The following AUTS2 variants were observed in gnomAD, a reference collection of about 807,000 sequenced individuals.
AUTS2 encodes the protein activator of transcription and developmental regulator AUTS2.
AUTS2 carries 17 observed loss-of-function variants against 112.4 expected under a neutral mutation model. That is an observed-to-expected ratio of 0.15 (90% CI 0.10 to 0.23). The LOEUF (loss-of-function observed/expected upper bound fraction) is 0.23, where lower values mean the gene tolerates loss of function less well. AUTS2 is among the 10% of genes least tolerant of loss of function. AUTS2 has a pLI of 1.00. For synonymous variants in AUTS2, 751 were observed against 702.7 expected (o/e 1.07, Z -1.09); for missense variants, 1,510 against 1,701.6 (o/e 0.89, Z 1.98).
Position 70,295,432 on chromosome 7 carries a change from T to C in AUTS2, c.661-140320T>C, listed in dbSNP as rs534641870. ...AATGCTGACTCCTACTGCTTAAACCTCCGTTCTCTCTCTGTTTTTATCTTA... is the reference window on the plus strand; with the variant it reads ...AATGCTGACTCCTACTGCTTAAACCCCCGTTCTCTCTCTGTTTTTATCTTA... On this transcript the variant is annotated intron_variant, in intron 4 of 18. Transcript: ENST00000342771. 1.8e-4 allele frequency among the ~76,000 whole-genome samples: 27 copies of C among 152,342 alleles called. 1 individual carries two copies. Among genetic ancestry groups the C allele is most frequent in the African/African-American group, 5.0e-4 (21 of 41,586 alleles).
At chr7:70,150,915 G>C (rs570675844) in intron 4 of AUTS2, among the ~76,000 whole-genome samples, 1 of 152,288 alleles carries the variant, frequency 6.6e-6, no homozygotes, top group Admixed American at 6.5e-5. Flanking sequence ...TAAAATACAT[G>C]ACACAATGGT....
chr7:70,217,967 C>T (rs1308235464), intron 4 of AUTS2, among the ~76,000 whole-genome samples: 1 of 152,100 alleles, frequency 6.6e-6, no homozygotes, highest in Non-Finnish European at 1.5e-5. Context: ...TTTACCAGAA[C>T]CCTAACTGAT....
intron 1 of AUTS2, among the ~76,000 whole-genome samples, chr7:69,647,750 G>A (rs1230076534): frequency 6.6e-6 from 1 of 152,202 alleles, no homozygotes; most frequent in African/African-American, 2.4e-5. Context: ...AACAGAAATA[G>A]TCTCATAGTT....
intron 5 of AUTS2, 83 bp from the exon 6 acceptor site, chr7:70,698,486 T>A (rs1563136309): frequency 8.2e-7 from 1 of 1,218,022 alleles, no homozygotes; most frequent in Middle Eastern, 1.9e-4. Flanking sequence ...TGTAGTCAAC[T>A]GATTTAAAAT....
chr7:69,673,428 A>G (rs535007149), intron 1 of AUTS2, among the ~76,000 whole-genome samples: 10 of 152,336 alleles, frequency 6.6e-5, no homozygotes, highest in African/African-American at 2.2e-4. Flanking sequence ...CGCTAAAGAC[A>G]GTTTTGTTCT....
intron 2 of AUTS2, among the ~76,000 whole-genome samples, chr7:70,115,612 G>A (rs189777679): frequency 5.7e-4 from 87 of 152,336 alleles, no homozygotes; most frequent in African/African-American, 2.0e-3. Context: ...CATGTCAAAT[G>A]TAAACATCTA....
chr7:70,229,130 A>G (rs748050322), intron 4 of AUTS2, among the ~76,000 whole-genome samples: 8 of 152,000 alleles, frequency 5.3e-5, no homozygotes, highest in South Asian at 4.1e-4. Context: ...CAAAAATTAT[A>G]TAGCCTCCTA....
intron 1 of AUTS2, among the ~76,000 whole-genome samples, chr7:69,870,644 C>T (rs1331251447): frequency 6.6e-6 from 1 of 151,706 alleles, no homozygotes; most frequent in African/African-American, 2.4e-5. Context: ...CTTACAGTCC[C>T]CTCTTTACTA....
chr7:70,700,138 T>C (rs1027708852), intron 6 of AUTS2, among the ~76,000 whole-genome samples: 1 of 151,674 alleles, frequency 6.6e-6, no homozygotes, highest in African/African-American at 2.4e-5. Flanking sequence ...GCCTCTTCCC[T>C]CTGGTTCTTT....
At chr7:70,452,064 T>C (rs1796556256) in intron 5 of AUTS2, among the ~76,000 whole-genome samples, 1 of 152,234 alleles carries the variant, frequency 6.6e-6, no homozygotes. Flanking sequence ...GCTGTGTGAC[T>C]GCGGCCTTGG....
rs117012908 is a variant in AUTS2, at chr7:69,741,620, G to A, written c.309+141658G>A. Among the ~76,000 whole-genome samples the A allele has an allele frequency of 7.5e-3, 1,143 of 152,022 alleles. 11 individuals carry two copies. The highest frequency in any genetic ancestry group is 0.039 in the South Asian group (190 of 4,812). On this transcript the variant is annotated intron_variant, in intron 1 of 18. Coordinates refer to ENST00000342771, the MANE Select transcript of AUTS2 (RefSeq NM_015570.4). ...CTTGGGAGGCTGAGGCAGGAGGATG[G>A]ATTGAGCCTGGAAGGCAGAGGTTGC...
chr7:69,854,698 G>A (rs1468684607), intron 1 of AUTS2, among the ~76,000 whole-genome samples: 1 of 152,024 alleles, frequency 6.6e-6, no homozygotes, highest in African/African-American at 2.4e-5. Flanking sequence ...TCATTTCTCT[G>A]TTGGAGTGTG....
At chr7:70,739,417 C>T (rs137880575) in intron 6 of AUTS2, among the ~76,000 whole-genome samples, 6 of 148,620 alleles carry the variant, frequency 4.0e-5, no homozygotes, top group African/African-American at 1.5e-4. Flanking sequence ...TGGCCTCAAG[C>T]GATCTTCCCA....
intron 1 of AUTS2, among the ~76,000 whole-genome samples, chr7:69,880,781 G>A (rs62458777): frequency 0.052 from 7,967 of 152,206 alleles, 312 homozygotes; most frequent in Non-Finnish European, 0.072. Flanking sequence ...GTAGAGGAGA[G>A]GGTGGTGACA....
intron 1 of AUTS2, among the ~76,000 whole-genome samples, chr7:69,640,240 A>G (rs1219764124): frequency 6.6e-6 from 1 of 152,228 alleles, no homozygotes; most frequent in Admixed American, 6.5e-5. Flanking sequence ...CAGAGCACCC[A>G]TCAAGTGTTC....
intron 5 of AUTS2, among the ~76,000 whole-genome samples, chr7:70,447,798 G>A (rs1283522541): frequency 6.6e-6 from 1 of 152,214 alleles, no homozygotes; most frequent in East Asian, 1.9e-4. Flanking sequence ...CAAAGAAGAT[G>A]TTTTGTGATG....
intron 4 of AUTS2, among the ~76,000 whole-genome samples, chr7:70,300,439 C>T (rs1789160629): frequency 6.6e-6 from 1 of 152,162 alleles, no homozygotes; most frequent in South Asian, 2.1e-4. Context: ...CAGCAGGACA[C>T]ATGGACTTAG....
At chr7:69,689,764 A>G (rs955853862) in intron 1 of AUTS2, among the ~76,000 whole-genome samples, 12 of 150,274 alleles carry the variant, frequency 8.0e-5, no homozygotes, top group African/African-American at 7.4e-5. Flanking sequence ...TGCAACCTCT[A>G]TCTCCCAGGC....
intron 4 of AUTS2, among the ~76,000 whole-genome samples, chr7:70,351,505 G>T (rs948473949): frequency 6.6e-6 from 1 of 152,096 alleles, no homozygotes; most frequent in Non-Finnish European, 1.5e-5. Flanking sequence ...TGGGGGTGCA[G>T]GTATCTCTTC....
Sources: gnomAD v4.1 joint callset for allele counts (sites outside exome capture counted in the v4.1 genomes callset) on GRCh38, gnomAD v4.1.1 for gene constraint, MANE v1.5 for transcripts, NCBI Gene and HGNC (gene_info 2026-07-23, HGNC 2026-07-21) for gene names.